The following ITPR3 variants were observed in gnomAD, a reference collection of about 807,000 sequenced individuals.
ITPR3 encodes the protein inositol 1,4,5-trisphosphate receptor type 3, also known as inositol 1,4,5-trisphosphate-gated calcium channel ITPR3.
In ITPR3, 173 loss-of-function variants were observed where a neutral mutation model predicts 293.2. The observed-to-expected ratio is 0.59, with a 90% CI of 0.52 to 0.67. ITPR3 has a LOEUF of 0.67. ITPR3 is among the 30% of genes least tolerant of loss of function. The pLI is 0.00. For missense variants in ITPR3, 2,796 were observed against 3,592.1 expected, an observed-to-expected ratio of 0.78 and a Z score of 5.66; for synonymous variants, 1,295 against 1,444.4, an observed-to-expected ratio of 0.90 and a Z score of 2.35.
chr6:33,691,951 A>G lies in ITPR3; in HGVS notation c.7458+23A>G. 1 of 1,613,220 alleles carries G rather than the reference A, an allele frequency of 6.2e-7. No homozygotes were observed. The highest frequency in any genetic ancestry group is 8.5e-7 in the Non-Finnish European group (1 of 1,179,942). On this transcript the variant is annotated intron_variant, in intron 54 of 57. Coordinates refer to ENST00000605930, the MANE Select transcript of ITPR3 (RefSeq NM_002224.4). This position sits in a 1 kb window ranked among gnomAD's most constrained non-coding sequence, Gnocchi z 4.9. Reference sequence around the variant, plus strand: ...GATGTGAGCACTCCTGCCCACTCCCAAACCTGTGGGGCCCAAGCCACTGTC... The same window carrying G: ...GATGTGAGCACTCCTGCCCACTCCCGAACCTGTGGGGCCCAAGCCACTGTC...
Position 33,682,246 on chromosome 6 carries a change from G to A in ITPR3, c.4477-278G>A, listed in dbSNP as rs1418939058. Among the ~76,000 whole-genome samples, 2 of 152,174 alleles carry A rather than the reference G, an allele frequency of 1.3e-5. No homozygotes were observed. The highest frequency in any genetic ancestry group is 2.9e-5 in the Non-Finnish European group (2 of 68,020). ...CCATGTAAATCCATCACCTTTTTAT[G>A]ACATTAATTTTTTTAAACATTTTTT... On this transcript the variant is annotated intron_variant, in intron 33 of 57. Transcript: ENST00000605930. This position sits in a 1 kb window ranked among gnomAD's most constrained non-coding sequence, Gnocchi z 5.4.
intron 2 of ITPR3, among the ~76,000 whole-genome samples, chr6:33,642,766 C>T (rs562299526): frequency 6.6e-6 from 1 of 152,272 alleles, no homozygotes; most frequent in Admixed American, 6.5e-5. Context: ...CCCCGTGGTC[C>T]CATATCCTCG....
chr6:33,689,496 G>A (rs950088971), intron 50 of ITPR3, 86 bp downstream of exon 50: 47 of 1,466,726 alleles, frequency 3.2e-5, no homozygotes, highest in Non-Finnish European at 4.4e-5. Context: ...GCTTCCAGGA[G>A]CCACTGCTCT....
chr6:33,695,939 A>G lies in ITPR3; in HGVS notation c.*159A>G. On this transcript the variant is annotated 3_prime_UTR_variant, in exon 58 of 58. Transcript: ENST00000605930. The stretch of plus-strand genomic sequence containing the variant: ...GACACCCACCCAGGCTTTGAAGAGC[A>G]TGGAGGGGGAGCCTCAGAGCTGACA... 1.6e-6 allele frequency: 1 copy of G among 645,114 alleles called. No homozygotes were observed. Among genetic ancestry groups the G allele is most frequent in the South Asian group, 1.8e-5 (1 of 54,298 alleles). The allele number at this position is 645,114 out of a possible 1,614,324, so 40.0% of individuals were successfully genotyped here. A position where few individuals can be genotyped will look rare whatever the true frequency, so the allele number is the denominator to read the frequency against.
In ITPR3 at chr6:33,658,696, C is replaced by T. The variant is rs1764375249; in HGVS notation, c.396C>T (p.Tyr132=). ...TCCTGCACATGAAGAGCAACAAGTA[C>T]CTGACAGTGAACAAGCGGCTTCCGG... ...IQLLHMKSNK[Y]LTVNKRLPAL... is the part of the protein sequence containing the mutation. The change falls in exon 5 of 58, where the codon TAC becomes TAT. Residue 132 remains tyrosine (Y), a synonymous_variant. Transcript: ENST00000605930. The surrounding 1 kb of genome is among the most constrained non-coding windows in gnomAD (Gnocchi z 6.1). 6.2e-7 allele frequency: 1 copy of T among 1,614,200 alleles called. No individual in the cohort carries two copies. Among genetic ancestry groups the T allele is most frequent in the South Asian group, 1.1e-5 (1 of 91,084 alleles).
In ITPR3 at chr6:33,680,365, T is replaced by C; in HGVS notation, c.4261T>C (p.Tyr1421His). The C allele has an allele frequency of 6.2e-7, 1 of 1,613,708 alleles. No individual in the cohort carries two copies. Residue 1421 changes from tyrosine (Y) to histidine (H), a missense_variant, in exon 32 of 58, where the codon TAC becomes CAC. Physicochemically the swap from Tyr to His is moderately conservative, Grantham distance 83. Coordinates refer to ENST00000605930, the MANE Select transcript of ITPR3 (RefSeq NM_002224.4). ...CTATGTGAACTTCGTGAACCACTGCTACGTGGACACGGAGGTGGAGATGAA... is the reference window on the plus strand; with the variant it reads ...CTATGTGAACTTCGTGAACCACTGCCACGTGGACACGGAGGTGGAGATGAA... ...MAYVNFVNHC[Y>H]VDTEVEMKEI...
chr6:33,646,364 C>A (rs1418442517), intron 2 of ITPR3, among the ~76,000 whole-genome samples: 1 of 94,666 alleles, frequency 1.1e-5, no homozygotes, highest in Admixed American at 1.6e-4. Context: ...CACCCTCTTC[C>A]CACCCCCCAC....
At position 33,687,290 on chromosome 6, in the gene ITPR3, G is replaced by C; in HGVS notation, c.6140G>C (p.Arg2047Pro). Residue 2047 changes from arginine to proline, a missense_variant, in exon 45 of 58, where the codon CGT becomes CCT. Physicochemically the swap from Arg to Pro is moderately radical, Grantham distance 103. Around this residue, in one of 8 missense-constraint regions of ITPR3, gnomAD observed 704 missense variants for 797.5 expected, o/e 0.88. Transcript: ENST00000605930. The surrounding 1 kb of genome is among the most constrained non-coding windows in gnomAD (Gnocchi z 5.3). ...CGTGAGAACTCGGAGGTGAGCCCACGTGAAGTGGGCCATAACATCTATATC... is the reference window on the plus strand; with the variant it reads ...CGTGAGAACTCGGAGGTGAGCCCACCTGAAGTGGGCCATAACATCTATATC... ...EERENSEVSPREVGHNIYILA... is the reference protein window; with the variant it reads ...EERENSEVSPPEVGHNIYILA... 1 of 1,612,858 alleles carries C rather than the reference G, an allele frequency of 6.2e-7. No individual in the cohort carries two copies.
chr6:33,667,123 C>T lies in ITPR3; in HGVS notation c.1552-6C>T, dbSNP rs762246384. 1 of 1,613,286 alleles carries T rather than the reference C, an allele frequency of 6.2e-7. No homozygotes were observed. The highest frequency in any genetic ancestry group is 1.3e-5 in the African/African-American group (1 of 74,916). On this transcript the variant is annotated splice_region_variant and splice_polypyrimidine_tract_variant and intron_variant, in intron 14 of 57. Coordinates refer to ENST00000605930, the MANE Select transcript of ITPR3 (RefSeq NM_002224.4). The surrounding 1 kb of genome is among the most constrained non-coding windows in gnomAD (Gnocchi z 4.4). The stretch of plus-strand genomic sequence containing the variant: ...GAATCAGTCCTCACCCTCTGTATTC[C>T]CCCAGGTCTTTGGCATTCTGAAGGC...
chr6:33,662,708 C>T (rs1456259984), intron 8 of ITPR3, 34 bp downstream of exon 8: 1 of 1,600,538 alleles, frequency 6.2e-7, no homozygotes, highest in Non-Finnish European at 8.5e-7. Flanking sequence ...ACCCCGGACT[C>T]AGCCTTGGAT....
At chr6:33,649,934 C>G (rs1023500940) in intron 2 of ITPR3, among the ~76,000 whole-genome samples, 2 of 152,120 alleles carry the variant, frequency 1.3e-5, no homozygotes, top group African/African-American at 4.8e-5. Flanking sequence ...TGGTAGGCAC[C>G]TTAGTCAGTA....
intron 57 of ITPR3, chr6:33,695,475 T>C (rs1473889933): frequency 1.7e-6 from 1 of 580,232 alleles, no homozygotes; most frequent in South Asian, 2.1e-5. Context: ...CAGCCTCTGT[T>C]AGTGGGCTGG....
rs756287741 is a variant in ITPR3 at position 33,688,398 on chromosome 6, CACA to C, written c.6538_6540del (p.Asn2180del). On this transcript the variant is annotated inframe_deletion, in exon 48 of 58. Transcript: ENST00000605930. ...CTTCTTCGACCAGTCCTCCTTCCTG[CACA>C]ACGAGATGGAGTGGCAGCGCAAGCT... is the stretch of plus-strand genomic sequence containing the variant. 5.5e-6 allele frequency: 8 copies of C among 1,466,608 alleles called. No individual in the cohort carries two copies. Among genetic ancestry groups the C allele is most frequent in the East Asian group, 3.0e-5 (1 of 32,976 alleles). The allele number at this position is 1,466,608 out of a possible 1,614,324, so 90.8% of individuals were successfully genotyped here.
At position 33,679,242 on chromosome 6, in the gene ITPR3, G is replaced by A. The variant is rs1055246086; in HGVS notation, c.3972+403G>A. Among the ~76,000 whole-genome samples, 1 of 152,216 alleles carries A rather than the reference G, an allele frequency of 6.6e-6. No homozygotes were observed. Among genetic ancestry groups the A allele is most frequent in the Non-Finnish European group, 1.5e-5 (1 of 68,054 alleles). Reference sequence around the variant, plus strand: ...CGGGCAGGGACCCCATCCTTTGTGTGCATCGCCAGGGCCCCAGTGTGTGGC... The same window carrying A: ...CGGGCAGGGACCCCATCCTTTGTGTACATCGCCAGGGCCCCAGTGTGTGGC... On this transcript the variant is annotated intron_variant, in intron 30 of 57. Coordinates refer to ENST00000605930, the MANE Select transcript of ITPR3 (RefSeq NM_002224.4). This position sits in a 1 kb window ranked among gnomAD's most constrained non-coding sequence, Gnocchi z 4.2.
In ITPR3 at chr6:33,640,539, C is replaced by A; in HGVS notation, c.145C>A (p.Pro49Thr). The A allele has an allele frequency of 6.2e-7, 1 of 1,613,356 alleles. No individual in the cohort carries two copies. The highest frequency in any genetic ancestry group is 8.5e-7 in the Non-Finnish European group (1 of 1,179,630). Reference protein sequence around the residue: ...EPAAGDLDNPPKKFRDCLFKV... With the variant: ...EPAAGDLDNPTKKFRDCLFKV... The stretch of plus-strand genomic sequence containing the variant: ...CGCGGCCGGGGACCTGGACAACCCC[C>A]CTAAGAAGTTCCGTGGTAAGACCTC... The change falls in exon 2 of 58, where the codon CCT (proline) becomes ACT (threonine). Residue 49 changes from proline to threonine, a missense_variant. Pro to Thr is a conservative substitution (Grantham distance 38, BLOSUM62 -1). Transcript: ENST00000605930.
intron 1 of ITPR3, among the ~76,000 whole-genome samples, chr6:33,623,774 A>G (rs933353865): frequency 2.0e-5 from 3 of 151,944 alleles, no homozygotes; most frequent in Non-Finnish European, 4.4e-5. Flanking sequence ...CCTCCAGTCC[A>G]CCTTGATCCT....
At chr6:33,681,783 G>T (rs988935638) in intron 33 of ITPR3, among the ~76,000 whole-genome samples, 1 of 152,248 alleles carries the variant, frequency 6.6e-6, no homozygotes, top group Non-Finnish European at 1.5e-5. Flanking sequence ...CCCTGGGATC[G>T]CATTGGGACG....
rs1368089930 is a variant in ITPR3, at chr6:33,682,106, T to C, written c.4477-418T>C. Among the ~76,000 whole-genome samples the C allele has an allele frequency of 6.6e-6, 1 of 152,160 alleles. No individual in the cohort carries two copies. Among genetic ancestry groups the C allele is most frequent in the Non-Finnish European group, 1.5e-5 (1 of 68,024 alleles). The stretch of plus-strand genomic sequence containing the variant: ...CATGTTGGCCAGGCTGGTCTCGAAC[T>C]CCTGACCGCAAGTCATCCACCCACC... On this transcript the variant is annotated intron_variant, in intron 33 of 57. Transcript: ENST00000605930. This position sits in a 1 kb window ranked among gnomAD's most constrained non-coding sequence, Gnocchi z 5.4.
chr6:33,665,336 C>T, intron 13 of ITPR3, 123 bp downstream of exon 13: 2 of 1,300,262 alleles, frequency 1.5e-6, no homozygotes, highest in South Asian at 2.9e-5. Context: ...GGACTGGCCC[C>T]TGTGGGGCCC....
Sources: gnomAD v4.1 joint callset for allele counts (sites outside exome capture counted in the v4.1 genomes callset) on GRCh38, gnomAD v4.1.1 for gene constraint, gnomAD v4.1.1 regional missense constraint, Gnocchi (gnomAD v3.1) non-coding constraint, MANE v1.5 for transcripts, NCBI Gene and HGNC (gene_info 2026-07-23, HGNC 2026-07-21) for gene names.